ADAMTS19: variants seen among roughly 807,000 people sequenced by gnomAD.
ADAMTS19 encodes ADAM metallopeptidase with thrombospondin type 1 motif 19, also known as A disintegrin and metalloproteinase with thrombospondin motifs 19.
A neutral mutation model predicts 153.3 loss-of-function variants in ADAMTS19; 93 were observed. The ratio of observed to expected loss-of-function variants is 0.61; its 90% CI spans 0.51 to 0.72. The LOEUF (loss-of-function observed/expected upper bound fraction) is 0.72. Ranked by LOEUF, ADAMTS19 falls within the 30% of genes least tolerant of loss-of-function variation. The probability of loss-of-function intolerance (pLI) is 0.00; values close to 1 mark genes in which losing one functional copy is unlikely to be tolerated. For synonymous variants in ADAMTS19, 600 were observed against 556.6 expected, an observed-to-expected ratio of 1.08 and a Z score of -1.10; for missense variants, 1,482 against 1,552.1, an observed-to-expected ratio of 0.95 and a Z score of 0.76.
At chr5:129,531,391 G>C (rs572286756) in intron 6 of ADAMTS19, among the ~76,000 whole-genome samples, 1 of 152,270 alleles carries the variant, frequency 6.6e-6, no homozygotes, top group Non-Finnish European at 1.5e-5. Context: ...TTGGGTGGCT[G>C]AGGTGGGCAG....
At chr5:129,515,881 T>C (rs931161875) in intron 3 of ADAMTS19, among the ~76,000 whole-genome samples, 1 of 151,818 alleles carries the variant, frequency 6.6e-6, no homozygotes, top group African/African-American at 2.4e-5. Flanking sequence ...TAGAGAAAAG[T>C]CTTTCTGTTT....
intron 6 of ADAMTS19, among the ~76,000 whole-genome samples, chr5:129,541,113 CAATT>C (rs1322732254): frequency 6.6e-6 from 1 of 151,392 alleles, no homozygotes; most frequent in Non-Finnish European, 1.5e-5. Context: ...ATGCTGCTGA[CAATT>C]TATTTTTCAA....
rs1213200367 is a variant in ADAMTS19 at position 129,461,096 on chromosome 5, C to T, written c.92-6C>T. 7.2e-6 allele frequency: 10 copies of T among 1,391,650 alleles called. No homozygotes were observed. Among genetic ancestry groups the T allele is most frequent in the Non-Finnish European group, 8.4e-6 (9 of 1,074,324 alleles). 86.2% of individuals were successfully genotyped at this position (1,391,650 alleles called of 1,614,324 possible). A position where few individuals can be genotyped will look rare whatever the true frequency, so the allele number is the denominator to read the frequency against. On this transcript the variant is annotated splice_polypyrimidine_tract_variant and splice_region_variant and intron_variant, in intron 1 of 22. Coordinates refer to ENST00000274487, the MANE Select transcript of ADAMTS19 (RefSeq NM_133638.6). The surrounding 1 kb of genome is among the most constrained non-coding windows in gnomAD (Gnocchi z 4.6). ...AGCCCCGCACTTCTGTCTGCCCCGC[C>T]CGCAGAGCTGCAGTTCGCCCCCGAC...
In ADAMTS19 at chr5:129,509,210, C is replaced by T; in HGVS notation, c.881C>T (p.Ala294Val). 1 of 1,611,966 alleles carries T rather than the reference C, an allele frequency of 6.2e-7. No individual in the cohort carries two copies. The highest frequency in any genetic ancestry group is 8.5e-7 in the Non-Finnish European group (1 of 1,178,574). The change falls in exon 3 of 23, where the codon GCT (alanine) becomes GTT (valine). Residue 294 changes from alanine (A) to valine (V), a missense_variant. Transcript: ENST00000274487. ...GAGGAAAAGGTCACAGAGAAGTCAG[C>T]TCTTCACAGTCATTACTGTGGTATC... ...SMEEKVTEKS[A>V]LHSHYCGIIS...
At chr5:129,478,740 C>G (rs999500665) in intron 2 of ADAMTS19, among the ~76,000 whole-genome samples, 8 of 151,946 alleles carry the variant, frequency 5.3e-5, no homozygotes, top group African/African-American at 1.2e-4. Flanking sequence ...TGAGGGGTCT[C>G]TCTGTATTAC....
At chr5:129,628,138 C>T (rs928114839) in intron 10 of ADAMTS19, among the ~76,000 whole-genome samples, 18 of 151,876 alleles carry the variant, frequency 1.2e-4, no homozygotes, top group African/African-American at 3.4e-4. Flanking sequence ...AGAATGAGAC[C>T]GTGTCTTTTG....
chr5:129,608,008 G>T (rs1750991447), intron 8 of ADAMTS19, among the ~76,000 whole-genome samples: 1 of 139,922 alleles, frequency 7.1e-6, no homozygotes, highest in Admixed American at 7.1e-5. Context: ...ATATATAATG[G>T]AATATTTATT....
At chr5:129,602,662 CTAA>C (rs1561595919) in intron 8 of ADAMTS19, among the ~76,000 whole-genome samples, 1 of 151,926 alleles carries the variant, frequency 6.6e-6, no homozygotes, top group African/African-American at 2.4e-5. Flanking sequence ...TTTCCTAGTT[CTAA>C]TAATTGGTTT....
chr5:129,714,276 G>A (rs888755241), intron 21 of ADAMTS19, among the ~76,000 whole-genome samples: 2 of 150,452 alleles, frequency 1.3e-5, no homozygotes, highest in African/African-American at 4.9e-5. Context: ...AAAATTAGCC[G>A]GGCGCGGTGG....
chr5:129,577,685 T>G (rs1749215150), intron 7 of ADAMTS19, among the ~76,000 whole-genome samples: 1 of 152,136 alleles, frequency 6.6e-6, no homozygotes, highest in Admixed American at 6.6e-5. Context: ...AAAGCCAAGG[T>G]AGCTGGAATT....
chr5:129,505,993 G>A (rs756590815), intron 2 of ADAMTS19, among the ~76,000 whole-genome samples: 2 of 152,140 alleles, frequency 1.3e-5, no homozygotes, highest in African/African-American at 2.4e-5. Context: ...GACGATATTC[G>A]CAGTAAAGCA....
At chr5:129,672,081 C>T (rs1410677954) in intron 16 of ADAMTS19, among the ~76,000 whole-genome samples, 1 of 152,138 alleles carries the variant, frequency 6.6e-6, no homozygotes, top group African/African-American at 2.4e-5. Flanking sequence ...AGGGTGCCAG[C>T]ATGGTGGGCT....
At chr5:129,668,578 C>A (rs1754156686) in intron 16 of ADAMTS19, among the ~76,000 whole-genome samples, 1 of 152,026 alleles carries the variant, frequency 6.6e-6, no homozygotes, top group South Asian at 2.1e-4. Context: ...GCTCTTATGA[C>A]CTAATCACCT....
chr5:129,621,685 A>G (rs1159533281), intron 9 of ADAMTS19, among the ~76,000 whole-genome samples: 1 of 152,208 alleles, frequency 6.6e-6, no homozygotes, highest in East Asian at 1.9e-4. Flanking sequence ...CTGCCTTCAC[A>G]TGAATCAGGA....
At chr5:129,648,696 A>C in intron 12 of ADAMTS19, 102 bp from the exon 13 acceptor site, 1 of 847,202 alleles carries the variant, frequency 1.2e-6, no homozygotes. Flanking sequence ...AAGTAAATAT[A>C]ATATAAGGGG....
chr5:129,543,050 T>G (rs1200567678), intron 6 of ADAMTS19, among the ~76,000 whole-genome samples: 6 of 139,318 alleles, frequency 4.3e-5, no homozygotes, highest in East Asian at 2.1e-4. Context: ...GTTGTTTTGT[T>G]TTTTTTTTTT....
chr5:129,673,138 G>A (rs149284203), intron 16 of ADAMTS19, among the ~76,000 whole-genome samples: 195 of 152,090 alleles, frequency 1.3e-3, no homozygotes, highest in African/African-American at 4.5e-3. Flanking sequence ...AACTCTTGGT[G>A]TTAATGATTA....
intron 7 of ADAMTS19, among the ~76,000 whole-genome samples, chr5:129,574,708 A>G (rs1754039199): frequency 1.3e-5 from 2 of 152,030 alleles, no homozygotes; most frequent in African/African-American, 2.4e-5. Flanking sequence ...TGCTTATACA[A>G]TTTGATGAGT....
intron 21 of ADAMTS19, among the ~76,000 whole-genome samples, chr5:129,724,116 C>T (rs907913555): frequency 3.3e-5 from 5 of 152,098 alleles, no homozygotes; most frequent in Non-Finnish European, 5.9e-5. Context: ...AAAAAGATGC[C>T]AGATTCTTAG....
Sources: allele counts gnomAD v4.1 joint callset (sites outside exome capture counted in the v4.1 genomes callset), GRCh38; gene constraint gnomAD v4.1.1; non-coding constraint Gnocchi (gnomAD v3.1); transcripts MANE v1.5; gene names NCBI Gene and HGNC (gene_info 2026-07-23, HGNC 2026-07-21).